HDAC9: variants seen among roughly 807,000 people sequenced by gnomAD.
The protein encoded by HDAC9 is MEF-2 interacting transcription repressor (MITR) protein.
In HDAC9, 41 loss-of-function variants were observed where a neutral mutation model predicts 139.4. The ratio of observed to expected loss-of-function variants is 0.29; its 90% confidence interval spans 0.23 to 0.38. The LOEUF (loss-of-function observed/expected upper bound fraction) is 0.38. Ranked by LOEUF, HDAC9 falls within the 10% of genes least tolerant of loss-of-function variation. HDAC9 has a pLI of 1.00. For synonymous variants in HDAC9, 517 were observed against 476.2 expected (o/e 1.09, Z -1.12); for missense variants, 1,147 against 1,297.0 (o/e 0.88, Z 1.78).
At chr7:18,895,826 G>A (rs949279228) in intron 22 of HDAC9, among the ~76,000 whole-genome samples, 19 of 152,076 alleles carry the variant, frequency 1.2e-4, no homozygotes, top group Admixed American at 9.2e-4. Context: ...ATTTCCAAGA[G>A]TTTCCTGTTT....
At chr7:18,665,926 T>A (rs1794730975) in intron 11 of HDAC9, among the ~76,000 whole-genome samples, 1 of 152,120 alleles carries the variant, frequency 6.6e-6, no homozygotes, top group African/African-American at 2.4e-5. Flanking sequence ...TTTACCTTTT[T>A]CTACACCATG....
chr7:18,759,371 C>G (rs749613404), intron 14 of HDAC9, among the ~76,000 whole-genome samples: 1 of 152,012 alleles, frequency 6.6e-6, no homozygotes, highest in African/African-American at 2.4e-5. Context: ...AGAACAGCAG[C>G]GACATTAGAT....
At chr7:18,692,286 A>C (rs137975193) in intron 12 of HDAC9, among the ~76,000 whole-genome samples, 135 of 152,216 alleles carry the variant, frequency 8.9e-4, no homozygotes, top group African/African-American at 3.0e-3. Context: ...ATTCTATGTA[A>C]GCTTTGTGGA....
intron 2 of HDAC9, among the ~76,000 whole-genome samples, chr7:18,272,942 TA>T: frequency 6.7e-6 from 1 of 150,264 alleles, no homozygotes. Flanking sequence ...CTACTACTAC[TA>T]CTACTACTAC....
intron 22 of HDAC9, among the ~76,000 whole-genome samples, chr7:18,923,892 A>T (rs887773185): frequency 6.6e-6 from 1 of 152,130 alleles, no homozygotes; most frequent in Non-Finnish European, 1.5e-5. Context: ...AGTTATATGG[A>T]AATCTTTCAT....
chr7:18,792,611 C>T lies in HDAC9; in HGVS notation c.2215-734C>T, dbSNP rs560828507. Among the ~76,000 whole-genome samples the T allele has an allele frequency of 7.0e-4, 106 of 152,218 alleles. No homozygotes were observed. In the Middle Eastern group the frequency reaches 0.014, roughly 20 times the overall value. On this transcript the variant is annotated intron_variant, in intron 16 of 25. Transcript: ENST00000686413. ...CATGCTTTGTTTTGATAATAATGTT[C>T]TCTAGTAGATAAGCAACCATCTATT...
chr7:18,762,331 G>T, intron 15 of HDAC9, 54 bp downstream of exon 15: 2 of 1,592,032 alleles, frequency 1.3e-6, no homozygotes, highest in Non-Finnish European at 1.7e-6. Context: ...ACTATCATTA[G>T]TCAACGCTGG....
chr7:18,174,382 G>T (rs933084259), intron 2 of HDAC9, among the ~76,000 whole-genome samples: 1 of 152,054 alleles, frequency 6.6e-6, no homozygotes, highest in Non-Finnish European at 1.5e-5. Context: ...GCTTCCTTGC[G>T]ATGGGTTCGA....
At chr7:18,683,063 C>G (rs1782003551) in intron 12 of HDAC9, among the ~76,000 whole-genome samples, 1 of 151,946 alleles carries the variant, frequency 6.6e-6, no homozygotes, top group South Asian at 2.1e-4. Context: ...AATGGTACAA[C>G]CTTGTTTCTG....
At chr7:18,098,703 G>A (rs1782662737) in intron 1 of HDAC9, among the ~76,000 whole-genome samples, 1 of 151,964 alleles carries the variant, frequency 6.6e-6, no homozygotes, top group Admixed American at 6.6e-5. Flanking sequence ...TTACCCCAAA[G>A]ATGCATCTCC....
chr7:18,249,709 G>A (rs1260721385), intron 2 of HDAC9, among the ~76,000 whole-genome samples: 1 of 151,768 alleles, frequency 6.6e-6, no homozygotes, highest in Admixed American at 6.6e-5. Flanking sequence ...TTTTTTCTGG[G>A]AGAGAACACC....
intron 1 of HDAC9, among the ~76,000 whole-genome samples, chr7:18,402,652 G>T (rs77867199): frequency 0.12 from 18,858 of 152,144 alleles, 3,038 homozygotes; most frequent in African/African-American, 0.37. Flanking sequence ...AGATTTCTGG[G>T]TTGGAGAACT....
intron 1 of HDAC9, among the ~76,000 whole-genome samples, chr7:18,106,243 C>T (rs753676308): frequency 1.3e-5 from 2 of 152,090 alleles, no homozygotes; most frequent in African/African-American, 2.4e-5. Flanking sequence ...AGTCAGGGAA[C>T]GCAGTGAAAA....
intron 2 of HDAC9, among the ~76,000 whole-genome samples, chr7:18,547,854 TCCTA>T (rs1203878173): frequency 7.7e-5 from 10 of 129,360 alleles, no homozygotes; most frequent in East Asian, 2.3e-4. Context: ...CTTCCTTCCT[TCCTA>T]CCCTCCCTCC....
rs550524687 is a variant in HDAC9 at position 18,682,429 on chromosome 7, G to T, written c.1731+15953G>T. Among the ~76,000 whole-genome samples the T allele has an allele frequency of 5.9e-5, 9 of 151,858 alleles. No individual in the cohort carries two copies. In the South Asian group the frequency reaches 1.9e-3, roughly 32 times the overall value. On this transcript the variant is annotated intron_variant, in intron 12 of 25. Transcript: ENST00000686413. ...TGTATAGAGCGTGATATTTCTGAGG[G>T]TACACACATGCCTACACACATTCAC...
chr7:18,648,396 TTGTGTGTGTGTGTATGTGTGTGTG>T (rs1562743444), intron 10 of HDAC9, 46 bp from the exon 11 acceptor site: 5 of 1,206,678 alleles, frequency 4.1e-6, no homozygotes, highest in South Asian at 1.3e-5. Context: ...TTTCTTAAAA[TTGTGTGTGTGTGTATGTGTGTGTG>T]TGTGTGTGTG....
intron 23 of HDAC9, among the ~76,000 whole-genome samples, chr7:18,952,506 A>C (rs558443901): frequency 6.6e-6 from 1 of 152,096 alleles, no homozygotes; most frequent in African/African-American, 2.4e-5. Context: ...TGGAACATAG[A>C]GTGTCATTTC....
intron 1 of HDAC9, among the ~76,000 whole-genome samples, chr7:18,131,305 G>C (rs907756468): frequency 6.6e-6 from 1 of 152,092 alleles, no homozygotes; most frequent in Non-Finnish European, 1.5e-5. Flanking sequence ...TTGTTAGTAT[G>C]AACTTAAAAA....
intron 1 of HDAC9, among the ~76,000 whole-genome samples, chr7:18,361,376 C>T (rs1291550089): frequency 2.0e-5 from 3 of 152,140 alleles, no homozygotes; most frequent in Non-Finnish European, 4.4e-5. Flanking sequence ...GTTACCTAGA[C>T]CACTGCTTTC....
Sources: allele counts gnomAD v4.1 joint callset (sites outside exome capture counted in the v4.1 genomes callset), GRCh38; gene constraint gnomAD v4.1.1; transcripts MANE v1.5; gene names NCBI Gene and HGNC (gene_info 2026-07-23, HGNC 2026-07-21).